MSRA: variants seen among roughly 807,000 people sequenced by gnomAD.
The protein encoded by MSRA is methionine sulfoxide reductase A, also known as mitochondrial peptide methionine sulfoxide reductase.
In MSRA, 54 loss-of-function variants were observed where a neutral mutation model predicts 31.3. The observed-to-expected ratio is 1.73, with a 90% CI of 1.39 to 2.17. MSRA has a LOEUF of 2.17. Ranked by LOEUF, MSRA falls within the 30% of genes most tolerant of loss-of-function variation. The probability of loss-of-function intolerance (pLI) is 0.00; values close to 1 mark genes in which losing one functional copy is unlikely to be tolerated. For synonymous variants in MSRA, 169 were observed against 116.5 expected (o/e 1.45, Z -2.90); for missense variants, 507 against 300.9 (o/e 1.69, Z -5.07).
At chr8:10,335,692 C>T (rs1204482041) in intron 5 of MSRA, among the ~76,000 whole-genome samples, 1 of 152,178 alleles carries the variant, frequency 6.6e-6, no homozygotes, top group Non-Finnish European at 1.5e-5. Flanking sequence ...AGAAAGAGAG[C>T]CAGCCACACC....
chr8:10,131,406 G>C (rs535614440), intron 1 of MSRA, among the ~76,000 whole-genome samples: 3 of 152,374 alleles, frequency 2.0e-5, no homozygotes, highest in African/African-American at 7.2e-5. Flanking sequence ...TGGGCAGGTA[G>C]CAATTAGCTT....
intron 3 of MSRA, among the ~76,000 whole-genome samples, chr8:10,281,243 C>A (rs1585353239): frequency 1.3e-5 from 2 of 152,196 alleles, no homozygotes; most frequent in African/African-American, 4.8e-5. Context: ...CTCTAAACTA[C>A]TTACTTTAAA....
intron 5 of MSRA, among the ~76,000 whole-genome samples, chr8:10,336,311 A>G (rs948882479): frequency 2.0e-5 from 3 of 152,178 alleles, no homozygotes; most frequent in African/African-American, 7.2e-5. Context: ...TATGCCAGAG[A>G]CACTTGGTTG....
chr8:10,256,239 G>A (rs1253490985), intron 3 of MSRA, among the ~76,000 whole-genome samples: 2 of 152,024 alleles, frequency 1.3e-5, no homozygotes, highest in Non-Finnish European at 2.9e-5. Flanking sequence ...TGTCCTTTTC[G>A]GATTGGCTTC....
intron 2 of MSRA, among the ~76,000 whole-genome samples, chr8:10,221,897 A>T (rs1156784659): frequency 6.6e-6 from 1 of 152,146 alleles, no homozygotes; most frequent in East Asian, 1.9e-4. Context: ...CTGAGGCAGG[A>T]GTGGCGGAGG....
intron 5 of MSRA, among the ~76,000 whole-genome samples, chr8:10,356,056 G>A (rs1804489998): frequency 6.6e-6 from 1 of 152,162 alleles, no homozygotes; most frequent in Admixed American, 6.5e-5. Flanking sequence ...CGACCTGAAG[G>A]CCCTTCATGT....
intron 1 of MSRA, among the ~76,000 whole-genome samples, chr8:10,202,609 A>G (rs1383441626): frequency 2.0e-5 from 3 of 152,196 alleles, no homozygotes; most frequent in African/African-American, 7.2e-5. Flanking sequence ...TCAAGAAAGT[A>G]TGCTGTGTTT....
At chr8:10,307,286 C>A (rs535245764) in intron 4 of MSRA, among the ~76,000 whole-genome samples, 2 of 152,126 alleles carry the variant, frequency 1.3e-5, no homozygotes, top group African/African-American at 4.8e-5. Context: ...CCCACCTCAG[C>A]CTCCTGAGTA....
chr8:10,302,784 C>G (rs1013731701), intron 4 of MSRA, among the ~76,000 whole-genome samples: 1 of 152,162 alleles, frequency 6.6e-6, no homozygotes, highest in Non-Finnish European at 1.5e-5. Context: ...TCCATGACCA[C>G]AAAGTCTGGT....
intron 5 of MSRA, among the ~76,000 whole-genome samples, chr8:10,380,556 C>A (rs1256989090): frequency 6.6e-6 from 1 of 152,250 alleles, no homozygotes. Flanking sequence ...ACTCTGGACT[C>A]TTCCAGGGAC....
intron 5 of MSRA, chr8:10,326,748 T>C (rs1259759664): frequency 6.6e-6 from 1 of 152,202 alleles, no homozygotes; most frequent in East Asian, 1.9e-4. Flanking sequence ...ATAGCACTAA[T>C]TGCAAGACAT....
At chr8:10,213,567 G>C (rs536799610) in intron 2 of MSRA, among the ~76,000 whole-genome samples, 28 of 151,134 alleles carry the variant, frequency 1.9e-4, no homozygotes, top group Middle Eastern at 3.4e-3. Context: ...TTCCCGAGTA[G>C]CTGGGATGAC....
chr8:10,351,243 GA>G (rs1197764826), intron 5 of MSRA, among the ~76,000 whole-genome samples: 3 of 113,194 alleles, frequency 2.7e-5, no homozygotes, highest in African/African-American at 6.9e-5. Context: ...CTCTGAAGGA[GA>G]CTTTTTTTTT....
intron 1 of MSRA, among the ~76,000 whole-genome samples, chr8:10,097,777 G>C (rs1339083147): frequency 2.0e-5 from 3 of 152,216 alleles, no homozygotes; most frequent in African/African-American, 7.2e-5. Flanking sequence ...ATGATCAAAA[G>C]TAGGTGAATT....
chr8:10,196,527 G>C (rs1241431712), intron 1 of MSRA, among the ~76,000 whole-genome samples: 1 of 152,074 alleles, frequency 6.6e-6, no homozygotes, highest in African/African-American at 2.4e-5. Flanking sequence ...TTGAAGGACA[G>C]TACCTTTTCT....
At chr8:10,076,141 C>A (rs542024688) in intron 1 of MSRA, among the ~76,000 whole-genome samples, 20 of 152,312 alleles carry the variant, frequency 1.3e-4, no homozygotes, top group African/African-American at 4.8e-4. Context: ...ATTTGTAAAA[C>A]AGACAGTCGC....
intron 5 of MSRA, among the ~76,000 whole-genome samples, chr8:10,321,087 CATG>C (rs1326912424): frequency 6.6e-6 from 1 of 152,140 alleles, no homozygotes; most frequent in Non-Finnish European, 1.5e-5. Flanking sequence ...GAAATATATA[CATG>C]ATATCACAAA....
intron 1 of MSRA, among the ~76,000 whole-genome samples, chr8:10,148,801 CAAAA>C (rs372289649): frequency 1.2e-4 from 11 of 89,076 alleles, no homozygotes; most frequent in East Asian, 5.1e-4. Flanking sequence ...GACCCTGTCG[CAAAA>C]AAAAAAAAAA....
intron 5 of MSRA, among the ~76,000 whole-genome samples, chr8:10,393,406 T>C (rs1806887108): frequency 6.6e-6 from 1 of 152,168 alleles, no homozygotes; most frequent in African/African-American, 2.4e-5. Context: ...TTTTTTACTT[T>C]TAGGGAAAAC....
Sources: allele counts gnomAD v4.1 joint callset (sites outside exome capture counted in the v4.1 genomes callset), GRCh38; gene constraint gnomAD v4.1.1; transcripts MANE v1.5; gene names NCBI Gene and HGNC (gene_info 2026-07-23, HGNC 2026-07-21).